The following PTCHD4 variants were observed in gnomAD, a reference collection of about 807,000 sequenced individuals.
PTCHD4 encodes patched domain containing 4, also known as patched domain-containing protein 4.
A neutral mutation model predicts 58.1 loss-of-function variants in PTCHD4; 33 were observed. The ratio of observed to expected loss-of-function variants is 0.57; its 90% CI spans 0.43 to 0.76. The LOEUF is 0.76. Ranked by LOEUF, PTCHD4 falls within the 30% of genes least tolerant of loss-of-function variation. PTCHD4 has a pLI of 0.00. For missense variants in PTCHD4, 1,058 were observed against 1,027.1 expected, an observed-to-expected ratio of 1.03 and a Z score of -0.41; for synonymous variants, 478 against 409.6, an observed-to-expected ratio of 1.17 and a Z score of -2.02.
chr6:47,945,738 T>C (rs1241981910), intron 4 of PTCHD4, among the ~76,000 whole-genome samples: 1 of 151,824 alleles, frequency 6.6e-6, no homozygotes, highest in African/African-American at 2.4e-5. Context: ...GATATAGTGT[T>C]TTCCTATCTA....
At chr6:47,991,057 G>C (rs1437986507) in intron 4 of PTCHD4, among the ~76,000 whole-genome samples, 1 of 148,482 alleles carries the variant, frequency 6.7e-6, no homozygotes, top group Non-Finnish European at 1.5e-5. Context: ...TGTTTGATTG[G>C]AGGACAAGAG....
chr6:48,070,123 TTG>T (rs66484270), intron 1 of PTCHD4, among the ~76,000 whole-genome samples, 197 bp from the exon 2 acceptor site: 13,708 of 146,512 alleles, frequency 0.094, 644 homozygotes, highest in Non-Finnish European at 0.11. Flanking sequence ...AAGTGTGTGT[TTG>T]TGTGTGTGTG....
chr6:48,048,961 A>G (rs1182828938), intron 3 of PTCHD4, among the ~76,000 whole-genome samples: 1 of 151,986 alleles, frequency 6.6e-6, no homozygotes, highest in Non-Finnish European at 1.5e-5. Flanking sequence ...GAAGGCACAC[A>G]TTCTGAGACC....
chr6:48,010,718 G>A (rs1266265042), intron 3 of PTCHD4, among the ~76,000 whole-genome samples: 1 of 151,974 alleles, frequency 6.6e-6, no homozygotes, highest in African/African-American at 2.4e-5. Context: ...AACTACATTA[G>A]GTATTTCTCC....
At chr6:47,967,264 T>G (rs954438171) in intron 4 of PTCHD4, among the ~76,000 whole-genome samples, 1 of 152,226 alleles carries the variant, frequency 6.6e-6, no homozygotes, top group Non-Finnish European at 1.5e-5. Flanking sequence ...TTTGCAGTAA[T>G]ATTTTGAAAG....
rs747838324 is a variant in PTCHD4 at position 47,878,613 on chromosome 6, C to T, written c.2222G>A (p.Arg741Gln). ...CAAGGAGCTTTTTATACATTGTGTT[C>T]GGGTGTGCTCAGTTGCTAATACAAA... ...FTFVLATEHT[R>Q]TQCIKSSLQD... Residue 741 changes from arginine to glutamine, a missense_variant, in exon 5 of 5, where the codon CGA becomes CAA. Coordinates refer to ENST00000339488, the MANE Select transcript of PTCHD4 (RefSeq NM_001384253.1). 2.5e-6 allele frequency: 4 copies of T among 1,613,362 alleles called. No homozygotes were observed. Among genetic ancestry groups the T allele is most frequent in the South Asian group, 1.1e-5 (1 of 91,060 alleles).
At position 47,862,332 on chromosome 6, in the gene PTCHD4, T is replaced by C. The variant is rs994141593; in HGVS notation, c.*15971A>G. Among the ~76,000 whole-genome samples the C allele has an allele frequency of 2.6e-5, 4 of 151,874 alleles. No individual in the cohort carries two copies. The highest frequency in any genetic ancestry group is 6.6e-5 in the Admixed American group (1 of 15,220). ...TCTACTTACAACCATTTTCAACACA[T>C]ACTAAATTTTTTTTGTAGGCTGCTT... On this transcript the variant is annotated 3_prime_UTR_variant, in exon 5 of 5. Coordinates refer to ENST00000339488, the MANE Select transcript of PTCHD4 (RefSeq NM_001384253.1).
chr6:47,865,145 A>G lies in PTCHD4; in HGVS notation c.*13158T>C, dbSNP rs1370643191. Among the ~76,000 whole-genome samples, 4 of 151,970 alleles carry G rather than the reference A, an allele frequency of 2.6e-5. No individual in the cohort carries two copies. The highest frequency in any genetic ancestry group is 2.6e-4 in the Admixed American group (4 of 15,238). On this transcript the variant is annotated 3_prime_UTR_variant, in exon 5 of 5. Transcript: ENST00000339488. ...AGATACTATTGTAGTGTCTCTAGCTATAATACGTGCATGTAGATAAGAGTT... is the reference window on the plus strand; with the variant it reads ...AGATACTATTGTAGTGTCTCTAGCTGTAATACGTGCATGTAGATAAGAGTT...
At chr6:48,102,456 GCATTTTAAAAA>G (rs1179795373) in intron 1 of PTCHD4, among the ~76,000 whole-genome samples, 1 of 152,164 alleles carries the variant, frequency 6.6e-6, no homozygotes, top group Non-Finnish European at 1.5e-5. Context: ...AAAATGAAAA[GCATTTTAAAAA>G]CTATTCTTGA....
intron 4 of PTCHD4, among the ~76,000 whole-genome samples, chr6:47,897,004 C>T (rs151071711): frequency 5.8e-4 from 88 of 152,242 alleles, no homozygotes; most frequent in African/African-American, 2.0e-3. Flanking sequence ...GTACCTGGCA[C>T]TCAGTAAATA....
At chr6:47,973,257 AG>A (rs1161497304) in intron 4 of PTCHD4, among the ~76,000 whole-genome samples, 3 of 152,224 alleles carry the variant, frequency 2.0e-5, no homozygotes, top group Non-Finnish European at 2.9e-5. Context: ...TAAACCTTTA[AG>A]AAGAATTATT....
In PTCHD4 at chr6:48,033,734, A is replaced by T. The variant is rs114808436; in HGVS notation, c.418-24620T>A. Among the ~76,000 whole-genome samples the T allele has an allele frequency of 4.6e-3, 697 of 152,130 alleles. 14 individuals carry two copies. The highest frequency in any genetic ancestry group is 0.016 in the African/African-American group (673 of 41,512). ...TTCAGGTAATTAATATTTTTTCTTC[A>T]TGTCAAAAGGGTAGTTGGACCAACA... is the stretch of plus-strand genomic sequence containing the variant. On this transcript the variant is annotated intron_variant, in intron 3 of 4. Transcript: ENST00000339488.
At chr6:47,956,656 A>C (rs2113958935) in intron 4 of PTCHD4, among the ~76,000 whole-genome samples, 1 of 152,016 alleles carries the variant, frequency 6.6e-6, no homozygotes, top group Non-Finnish European at 1.5e-5. Context: ...GATGGTATTG[A>C]TCTCCTGACC....
chr6:47,912,109 T>C (rs1765089616), intron 4 of PTCHD4, among the ~76,000 whole-genome samples: 1 of 152,082 alleles, frequency 6.6e-6, no homozygotes, highest in African/African-American at 2.4e-5. Context: ...ACCATTTGAT[T>C]AGGGTTATTA....
chr6:47,887,681 TGA>T (rs1764235959), intron 4 of PTCHD4, among the ~76,000 whole-genome samples: 1 of 152,230 alleles, frequency 6.6e-6, no homozygotes, highest in Non-Finnish European at 1.5e-5. Context: ...TCCTTTTGCC[TGA>T]GAGATGATGA....
chr6:48,085,954 T>G (rs1410092953), intron 1 of PTCHD4, among the ~76,000 whole-genome samples: 1 of 152,056 alleles, frequency 6.6e-6, no homozygotes, highest in South Asian at 2.1e-4. Flanking sequence ...GAATCCACAC[T>G]CCATTGTACT....
chr6:48,011,376 T>A (rs572239279), intron 3 of PTCHD4, among the ~76,000 whole-genome samples: 3 of 152,230 alleles, frequency 2.0e-5, no homozygotes, highest in Non-Finnish European at 4.4e-5. Context: ...ATTAAATGTC[T>A]TCTTTTGAGA....
rs148098685 is a variant in PTCHD4, at chr6:47,976,891, TA to T, written c.898+31742del. ...TGATTTTCAAGTTATCATCAGTTAT[TA>T]AGATGAAATTTTTAAGGATTGGTGA... On this transcript the variant is annotated intron_variant, in intron 4 of 4. Coordinates refer to ENST00000339488, the MANE Select transcript of PTCHD4 (RefSeq NM_001384253.1). 4.2e-3 allele frequency among the ~76,000 whole-genome samples: 641 copies of T among 152,220 alleles called. 2 individuals carry two copies. The highest frequency in any genetic ancestry group is 0.014 in the African/African-American group (592 of 41,554).
At chr6:47,980,466 A>C (rs1000981373) in intron 4 of PTCHD4, among the ~76,000 whole-genome samples, 16 of 152,020 alleles carry the variant, frequency 1.1e-4, no homozygotes, top group Non-Finnish European at 1.6e-4. Context: ...AAACCTTGAA[A>C]ATTCCCTCTA....
Sources: allele counts gnomAD v4.1 joint callset (sites outside exome capture counted in the v4.1 genomes callset), GRCh38; gene constraint gnomAD v4.1.1; transcripts MANE v1.5; gene names NCBI Gene and HGNC (gene_info 2026-07-23, HGNC 2026-07-21).